Variants in SLC6A15 observed in about 807,000 individuals in gnomAD.
SLC6A15 encodes solute carrier family 6 member 15.
In SLC6A15, 33 loss-of-function variants were observed where a neutral mutation model predicts 68.5. That is an observed-to-expected ratio of 0.48 (90% CI 0.37 to 0.64). The LOEUF is 0.64. Ranked by LOEUF, SLC6A15 falls within the 30% of genes least tolerant of loss-of-function variation. The probability of loss-of-function intolerance (pLI) is 0.00; values close to 1 mark genes in which losing one functional copy is unlikely to be tolerated. For synonymous variants in SLC6A15, 347 were observed against 301.0 expected, an observed-to-expected ratio of 1.15 and a Z score of -1.58; for missense variants, 747 against 874.3, an observed-to-expected ratio of 0.85 and a Z score of 1.84.
At chr12:84,898,306 C>G (rs1872714884) in intron 1 of SLC6A15, among the ~76,000 whole-genome samples, 1 of 152,164 alleles carries the variant, frequency 6.6e-6, no homozygotes, top group Non-Finnish European at 1.5e-5. Flanking sequence ...TACCACTGCA[C>G]TCCAGCCTGG....
chr12:84,869,410 T>A (rs376433250), intron 9 of SLC6A15, among the ~76,000 whole-genome samples: 1 of 134,040 alleles, frequency 7.5e-6, no homozygotes, highest in Non-Finnish European at 1.5e-5. Flanking sequence ...TGCAGTGAGC[T>A]GAGATCGCAC....
chr12:84,892,330 T>C (rs1872446098), intron 1 of SLC6A15, 22 bp from the exon 2 acceptor site: 1 of 437,514 alleles, frequency 2.3e-6, no homozygotes, highest in East Asian at 3.6e-5. Flanking sequence ...TAAGTTGAAA[T>C]GTGATCATAT....
rs567151490 is a variant in SLC6A15, at chr12:84,892,461, G to A, written c.-188-153C>T. On this transcript the variant is annotated intron_variant, in intron 1 of 11. Transcript: ENST00000266682. Reference sequence around the variant, plus strand: ...ATTTCAGAGCTTAATATTCCCGTAAGTATAAGAATTTTAAAGCACTTATGA... The same window carrying A: ...ATTTCAGAGCTTAATATTCCCGTAAATATAAGAATTTTAAAGCACTTATGA... Among the ~76,000 whole-genome samples the A allele has an allele frequency of 8.3e-4, 127 of 152,204 alleles. 2 individuals are homozygous for A. Among genetic ancestry groups the A allele is most frequent in the Non-Finnish European group, 6.2e-4 (42 of 68,008 alleles).
chr12:84,891,662 C>T (rs560415717), intron 2 of SLC6A15, among the ~76,000 whole-genome samples, 170 bp downstream of exon 2: 2 of 152,174 alleles, frequency 1.3e-5, no homozygotes, highest in Non-Finnish European at 2.9e-5. Flanking sequence ...CCTGTGGAAA[C>T]GTAATCTGAA....
intron 8 of SLC6A15, 35 bp from the exon 9 acceptor site, chr12:84,870,705 A>C (rs1871251259): frequency 4.4e-6 from 6 of 1,366,278 alleles, no homozygotes; most frequent in Non-Finnish European, 6.0e-6. Context: ...ATTAGTACAG[A>C]GTAATTATTA....
intron 5 of SLC6A15, among the ~76,000 whole-genome samples, chr12:84,879,614 C>A (rs1277098736): frequency 1.3e-5 from 2 of 151,878 alleles, no homozygotes; most frequent in Non-Finnish European, 2.9e-5. Context: ...GCGTGAGCCA[C>A]CGCCTGGCCA....
intron 1 of SLC6A15, among the ~76,000 whole-genome samples, chr12:84,896,519 C>T (rs1872645083): frequency 6.6e-6 from 1 of 152,232 alleles, no homozygotes; most frequent in Non-Finnish European, 1.5e-5. Context: ...CATTTGCCAA[C>T]CTCTCTTTCA....
intron 1 of SLC6A15, among the ~76,000 whole-genome samples, chr12:84,910,595 G>GA (rs1873389528): frequency 6.6e-6 from 1 of 152,154 alleles, no homozygotes; most frequent in South Asian, 2.1e-4. Flanking sequence ...CGAGCTGTGA[G>GA]AAACATCCCG....
intron 8 of SLC6A15, among the ~76,000 whole-genome samples, chr12:84,871,949 G>A (rs987584208): frequency 2.6e-5 from 4 of 152,030 alleles, no homozygotes; most frequent in East Asian, 1.9e-4. Context: ...TCAAGTGTTC[G>A]AGACCAGCCT....
At chr12:84,883,521 A>G in intron 5 of SLC6A15, 1 of 1,283,100 alleles carries the variant, frequency 7.8e-7, no homozygotes, top group Non-Finnish European at 9.9e-7. Flanking sequence ...CCCAATTTCC[A>G]TAATTTAACT....
rs1044046157 is a variant in SLC6A15, at chr12:84,863,498, C to T, written c.1759G>A (p.Ala587Thr). 3.6e-5 allele frequency: 58 copies of T among 1,595,664 alleles called. No homozygotes were observed. Among genetic ancestry groups the T allele is most frequent in the Non-Finnish European group, 4.7e-5 (55 of 1,172,904 alleles). Residue 587 changes from alanine to threonine, a missense_variant, in exon 11 of 12, where the codon GCT becomes ACT. Physicochemically the swap from Ala to Thr is moderately conservative, Grantham distance 58. Transcript: ENST00000266682. ...CTTAATCCCATATTCACAACACTAG[C>T]TATTAGCAATGATAATAGCATTAGA... ...SPLMLLSLLI[A>T]SVVNMGLSPP...
rs993376522 is a variant in SLC6A15 at position 84,861,427 on chromosome 12, G to C, written c.*205C>G. 3.7e-5 allele frequency: 18 copies of C among 490,484 alleles called. No homozygotes were observed. Among genetic ancestry groups the C allele is most frequent in the Non-Finnish European group, 5.8e-5 (17 of 293,992 alleles). The allele number at this position is 490,484 out of a possible 1,614,324, so 30.4% of individuals were successfully genotyped here. A position where few individuals can be genotyped will look rare whatever the true frequency, so the allele number is the denominator to read the frequency against. On this transcript the variant is annotated 3_prime_UTR_variant, in exon 12 of 12. Coordinates refer to ENST00000266682, the MANE Select transcript of SLC6A15 (RefSeq NM_182767.6). ...ATGTACCTCAGCCCTCCTAAGATTT[G>C]TCTGCAATCCTTTCTGCACAAATGT...
Position 84,872,803 on chromosome 12 carries a change from T to C in SLC6A15, c.1110-9A>G, listed in dbSNP as rs749598861. 12 of 1,592,308 alleles carry C rather than the reference T, an allele frequency of 7.5e-6. No homozygotes were observed. Among genetic ancestry groups the C allele is most frequent in the African/African-American group, 2.7e-5 (2 of 73,798 alleles). On this transcript the variant is annotated splice_polypyrimidine_tract_variant and intron_variant, in intron 7 of 11. Transcript: ENST00000266682. ...TGATCGTCTCTGAATTTCTGAAAAA[T>C]AAAACAACATACAAATGAGCACATA...
intron 1 of SLC6A15, among the ~76,000 whole-genome samples, chr12:84,909,573 C>A (rs1286818419): frequency 6.6e-6 from 1 of 152,162 alleles, no homozygotes; most frequent in Non-Finnish European, 1.5e-5. Flanking sequence ...GAATGTTGTT[C>A]ATGCATCCAA....
intron 1 of SLC6A15, among the ~76,000 whole-genome samples, chr12:84,898,557 GAT>G (rs1248144036): frequency 6.6e-6 from 1 of 152,104 alleles, no homozygotes; most frequent in African/African-American, 2.4e-5. Context: ...TGTCACTTAT[GAT>G]TTTATGACCC....
At chr12:84,887,286 A>G (rs537168805) in intron 2 of SLC6A15, among the ~76,000 whole-genome samples, 1 of 152,320 alleles carries the variant, frequency 6.6e-6, no homozygotes, top group South Asian at 2.1e-4. Flanking sequence ...CACTGAATAG[A>G]TTTTTGAAGC....
chr12:84,882,259 A>C, intron 5 of SLC6A15: 29 of 985,352 alleles, frequency 2.9e-5, no homozygotes, highest in Non-Finnish European at 3.5e-5. Flanking sequence ...GTTAGGTCTT[A>C]TTTAAGAATC....
At chr12:84,870,771 C>T (rs1871254852) in intron 8 of SLC6A15, 101 bp from the exon 9 acceptor site, 2 of 654,640 alleles carry the variant, frequency 3.1e-6, no homozygotes, top group South Asian at 2.9e-5. Context: ...GAATAATGGC[C>T]AGGACTGCTG....
chr12:84,864,794 T>C (rs921748904), intron 10 of SLC6A15, among the ~76,000 whole-genome samples: 9 of 152,172 alleles, frequency 5.9e-5, no homozygotes, highest in Admixed American at 2.6e-4. Flanking sequence ...GATGTATATC[T>C]TAATCTCTCT....
Sources: gnomAD v4.1 joint callset for allele counts (sites outside exome capture counted in the v4.1 genomes callset) on GRCh38, gnomAD v4.1.1 for gene constraint, MANE v1.5 for transcripts, NCBI Gene and HGNC (gene_info 2026-07-23, HGNC 2026-07-21) for gene names.